PDZD2: variants seen among roughly 807,000 people sequenced by gnomAD.
The protein encoded by PDZD2 is PDZ domain containing 2.
PDZD2 carries 90 observed loss-of-function variants against 220.7 expected under a neutral mutation model. The ratio of observed to expected loss-of-function variants is 0.41; its 90% confidence interval spans 0.34 to 0.49. The LOEUF is 0.49. Among genes scored for constraint, PDZD2 ranks in the 20% least tolerant of loss-of-function variants. PDZD2 has a pLI of 0.28. For missense variants in PDZD2, 3,174 were observed against 3,608.5 expected, an observed-to-expected ratio of 0.88 and a Z score of 3.08; for synonymous variants, 1,375 against 1,450.5, an observed-to-expected ratio of 0.95 and a Z score of 1.18.
At chr5:31,945,149 A>G (rs993058534) in intron 2 of PDZD2, among the ~76,000 whole-genome samples, 1 of 152,170 alleles carries the variant, frequency 6.6e-6, no homozygotes, top group Non-Finnish European at 1.5e-5. Context: ...CCGCAGCCCA[A>G]GCAGCTCCAG....
rs142197880 is a variant in PDZD2 at position 31,759,649 on chromosome 5, G to A, written c.-360-39240G>A. On this transcript the variant is annotated intron_variant, in intron 1 of 24. Coordinates refer to ENST00000438447, the MANE Select transcript of PDZD2 (RefSeq NM_178140.4). ...CAACCTCTGCCTCCCAGGTTCAAGC[G>A]ATTCTCCTGCATCAGCCTCCTGAGT... Among the ~76,000 whole-genome samples, 99 of 151,168 alleles carry A rather than the reference G, an allele frequency of 6.5e-4. No homozygotes were observed. In the East Asian group the frequency reaches 0.017, roughly 26 times the overall value.
At chr5:31,936,360 C>A in intron 2 of PDZD2, 1 of 986,162 alleles carries the variant, frequency 1.0e-6, no homozygotes, top group Non-Finnish European at 1.2e-6. Flanking sequence ...GGACGGGAGA[C>A]CTGAGTGGTG....
At chr5:31,695,926 C>G (rs1312801627) in intron 1 of PDZD2, among the ~76,000 whole-genome samples, 5 of 152,148 alleles carry the variant, frequency 3.3e-5, no homozygotes, top group Non-Finnish European at 7.3e-5. Flanking sequence ...AAAATTCTAC[C>G]TTAGGCATCT....
At chr5:31,682,602 G>A (rs1050386675) in intron 1 of PDZD2, among the ~76,000 whole-genome samples, 1 of 151,992 alleles carries the variant, frequency 6.6e-6, no homozygotes, top group South Asian at 2.1e-4. Context: ...TCTTAATAAT[G>A]GTTTAATTGA....
Position 31,849,972 on chromosome 5 carries a change from A to ACG in PDZD2, c.476+50248_476+50249insCG, listed in dbSNP as rs1757884471. Among the ~76,000 whole-genome samples the ACG allele has an allele frequency of 1.1e-4, 4 of 34,912 alleles. 1 individual carries two copies. Among genetic ancestry groups the ACG allele is most frequent in the African/African-American group, 7.6e-4 (4 of 5,278 alleles). The allele number at this position is 34,912 out of a possible 152,430, so 22.9% of individuals were successfully genotyped here. A position where few individuals can be genotyped will look rare whatever the true frequency, so the allele number is the denominator to read the frequency against. ...TACATATATATATATACACATATATATATATACATATATATATATACACAT... is the reference window on the plus strand; with the variant it reads ...TACATATATATATATACACATATATACGTATATACATATATATATATACACAT... On this transcript the variant is annotated intron_variant, in intron 2 of 24. Coordinates refer to ENST00000438447, the MANE Select transcript of PDZD2 (RefSeq NM_178140.4).
At chr5:31,896,189 C>T (rs888972004) in intron 2 of PDZD2, among the ~76,000 whole-genome samples, 2 of 152,088 alleles carry the variant, frequency 1.3e-5, no homozygotes, top group African/African-American at 2.4e-5. Flanking sequence ...AAATACACTA[C>T]TCTAGGCATG....
chr5:31,783,517 T>C (rs1753182702), intron 1 of PDZD2, among the ~76,000 whole-genome samples: 1 of 152,188 alleles, frequency 6.6e-6, no homozygotes, highest in Non-Finnish European at 1.5e-5. Flanking sequence ...CTTTAGTGTC[T>C]CACTTGGCAC....
chr5:31,965,433 C>T (rs1748645623), intron 2 of PDZD2, among the ~76,000 whole-genome samples: 3 of 152,242 alleles, frequency 2.0e-5, no homozygotes, highest in Non-Finnish European at 2.9e-5. Context: ...GTTCTACACA[C>T]GGGGGGATAT....
intron 1 of PDZD2, among the ~76,000 whole-genome samples, chr5:31,645,772 G>A (rs886894120): frequency 4.6e-5 from 7 of 152,066 alleles, no homozygotes; most frequent in Admixed American, 3.9e-4. Context: ...AAAAATAAAG[G>A]CAGCACTCAT....
At chr5:31,746,309 A>G (rs1238161695) in intron 1 of PDZD2, among the ~76,000 whole-genome samples, 4 of 152,134 alleles carry the variant, frequency 2.6e-5, no homozygotes, top group African/African-American at 9.7e-5. Flanking sequence ...ATCAATGTCA[A>G]TTTTTGCATT....
At chr5:31,858,789 A>G (rs184614767) in intron 2 of PDZD2, among the ~76,000 whole-genome samples, 77 of 151,292 alleles carry the variant, frequency 5.1e-4, no homozygotes, top group African/African-American at 1.8e-3. Flanking sequence ...CATGATTTCA[A>G]CTCACTGCAA....
chr5:31,904,805 A>G lies in PDZD2; in HGVS notation c.477-78350A>G, dbSNP rs543173157. Among the ~76,000 whole-genome samples the G allele has an allele frequency of 6.6e-5, 10 of 152,294 alleles. No individual in the cohort carries two copies. The South Asian group carries it at 1.2e-3, about 19-fold the overall frequency. ...AATATTATTGGAAAGGTACAGATAC[A>G]GAATTCTGGGCGCAATTACATCGAA... On this transcript the variant is annotated intron_variant, in intron 2 of 24. Transcript: ENST00000438447.
intron 2 of PDZD2, among the ~76,000 whole-genome samples, chr5:31,864,151 C>T (rs1048322243): frequency 4.6e-5 from 7 of 152,136 alleles, no homozygotes; most frequent in Admixed American, 2.6e-4. Flanking sequence ...CTAGCAGTCC[C>T]CCTAACCTTG....
chr5:31,790,683 T>C (rs1477970615), intron 1 of PDZD2, among the ~76,000 whole-genome samples: 1 of 146,364 alleles, frequency 6.8e-6, no homozygotes, highest in African/African-American at 2.6e-5. Context: ...TCCGCACCTA[T>C]CTCTCTAATT....
intron 1 of PDZD2, among the ~76,000 whole-genome samples, chr5:31,667,900 C>T (rs1253781234): frequency 7.6e-5 from 10 of 132,198 alleles, no homozygotes; most frequent in African/African-American, 2.4e-4. Flanking sequence ...CTCGATCTCT[C>T]GCCCAGGCTG....
At chr5:31,891,610 C>T (rs953061927) in intron 2 of PDZD2, among the ~76,000 whole-genome samples, 5 of 151,642 alleles carry the variant, frequency 3.3e-5, no homozygotes, top group African/African-American at 4.8e-5. Context: ...CCACCATGCC[C>T]GGCCGGTTTT....
intron 2 of PDZD2, among the ~76,000 whole-genome samples, chr5:31,811,708 A>T (rs1334340194): frequency 2.6e-5 from 4 of 152,106 alleles, no homozygotes; most frequent in Non-Finnish European, 5.9e-5. Flanking sequence ...TTCAAGCTCT[A>T]GCCAGGCAGG....
rs555771660 is a variant in PDZD2, at chr5:31,653,016, A to G, written c.-361+13579A>G. On this transcript the variant is annotated intron_variant, in intron 1 of 24. Coordinates refer to ENST00000438447, the MANE Select transcript of PDZD2 (RefSeq NM_178140.4). The stretch of plus-strand genomic sequence containing the variant: ...GACAGAGTGAGACTTCATCTCAAAA[A>G]AAAAGACCAAAAAACAAACAAAAAA... Among the ~76,000 whole-genome samples the G allele has an allele frequency of 5.3e-5, 8 of 152,226 alleles. No homozygotes were observed. In the East Asian group the frequency reaches 9.6e-4, roughly 18 times the overall value.
chr5:32,007,565 G>T (rs542432169), intron 5 of PDZD2, among the ~76,000 whole-genome samples: 1 of 152,244 alleles, frequency 6.6e-6, no homozygotes, highest in East Asian at 1.9e-4. Context: ...CGTGAAACTA[G>T]TAACAAACAT....
Sources: gnomAD v4.1 joint callset for allele counts (sites outside exome capture counted in the v4.1 genomes callset) on GRCh38, gnomAD v4.1.1 for gene constraint, MANE v1.5 for transcripts, NCBI Gene and HGNC (gene_info 2026-07-23, HGNC 2026-07-21) for gene names.